CGGBP1: variants seen among roughly 807,000 people sequenced by gnomAD.
CGGBP1 encodes CGG triplet repeat binding protein 1, also known as CGG triplet repeat-binding protein 1.
In CGGBP1, 4 loss-of-function variants were observed where a neutral mutation model predicts 11.4. The observed-to-expected ratio is 0.35, with a 90% CI of 0.17 to 0.80. The LOEUF (loss-of-function observed/expected upper bound fraction) is 0.80. Ranked by LOEUF, CGGBP1 falls within the 30% of genes least tolerant of loss-of-function variation. The pLI is 0.52. For missense variants in CGGBP1, 135 were observed against 202.1 expected, an observed-to-expected ratio of 0.67 and a Z score of 2.01; for synonymous variants, 76 against 74.1, an observed-to-expected ratio of 1.03 and a Z score of -0.13.
intron 1 of CGGBP1, among the ~76,000 whole-genome samples, chr3:88,146,970 G>C (rs1707324092): frequency 6.6e-6 from 1 of 152,138 alleles, no homozygotes; most frequent in African/African-American, 2.4e-5. Context: ...TGGGTTCCCT[G>C]CTTCTACCCT....
At chr3:88,082,465 A>T (rs947340740) in intron 2 of CGGBP1, among the ~76,000 whole-genome samples, 1 of 152,216 alleles carries the variant, frequency 6.6e-6, no homozygotes, top group Non-Finnish European at 1.5e-5. Flanking sequence ...CGCTGTAAAC[A>T]AATGATGAAC....
At chr3:88,075,280 T>C (rs1386585169) in intron 2 of CGGBP1, among the ~76,000 whole-genome samples, 1 of 152,232 alleles carries the variant, frequency 6.6e-6, no homozygotes, top group African/African-American at 2.4e-5. Flanking sequence ...GCATAGTCAT[T>C]TCCTTGCAGC....
upstream of CGGBP1, among the ~76,000 whole-genome samples, chr3:88,063,420 A>G (rs1309999795): frequency 6.6e-6 from 1 of 152,204 alleles, no homozygotes; most frequent in Non-Finnish European, 1.5e-5. Flanking sequence ...CACAGAAAAG[A>G]GAGTTTGTCC....
At chr3:88,071,731 G>A (rs1707526324) in intron 2 of CGGBP1, among the ~76,000 whole-genome samples, 1 of 152,092 alleles carries the variant, frequency 6.6e-6, no homozygotes, top group Admixed American at 6.5e-5. Flanking sequence ...TTGAACCCGG[G>A]AGGCAGAGGT....
intron 2 of CGGBP1, among the ~76,000 whole-genome samples, chr3:88,111,400 C>A (rs1396880000): frequency 6.6e-6 from 1 of 151,634 alleles, no homozygotes; most frequent in Non-Finnish European, 1.5e-5. Flanking sequence ...TATATGTTCC[C>A]CCACCCCCTG....
chr3:88,082,404 C>T lies in CGGBP1; in HGVS notation c.-228-24181G>A, dbSNP rs190218251. 1.8e-4 allele frequency among the ~76,000 whole-genome samples: 27 copies of T among 152,336 alleles called. No homozygotes were observed. The South Asian group carries it at 2.7e-3, about 15-fold the overall frequency. On this transcript the variant is annotated intron_variant, in intron 2 of 3. Coordinates refer to the CGGBP1 transcript ENST00000462901. ...CCTCCCAAAGTGTTGGGATTACAGG[C>T]GTGAGCCACCACACCTGGCCTGTGA...
chr3:88,123,332 A>G (rs1244284612), intron 2 of CGGBP1, among the ~76,000 whole-genome samples: 1 of 152,244 alleles, frequency 6.6e-6, no homozygotes, highest in Non-Finnish European at 1.5e-5. Flanking sequence ...CGAAGTGTAC[A>G]TACACAAAAA....
chr3:88,066,703 CAAGT>C (rs1254428848), intron 2 of CGGBP1, among the ~76,000 whole-genome samples: 1 of 152,086 alleles, frequency 6.6e-6, no homozygotes, highest in African/African-American at 2.4e-5. Flanking sequence ...CTGCCAAACA[CAAGT>C]AAGGCACCAT....
At chr3:88,129,106 T>C in intron 2 of CGGBP1, 1 of 851,578 alleles carries the variant, frequency 1.2e-6, no homozygotes, top group East Asian at 2.7e-5. Flanking sequence ...TTAAATTCCT[T>C]TTACAGTAAT....
intron 2 of CGGBP1, among the ~76,000 whole-genome samples, chr3:88,118,874 G>C (rs1705577532): frequency 1.3e-5 from 2 of 151,572 alleles, no homozygotes; most frequent in South Asian, 4.1e-4. Context: ...TCATTAAAAA[G>C]TCAGGAAACA....
chr3:88,107,322 A>G (rs534717093), intron 2 of CGGBP1, among the ~76,000 whole-genome samples: 1 of 152,168 alleles, frequency 6.6e-6, no homozygotes, highest in South Asian at 2.1e-4. Context: ...TCAAATTGTC[A>G]AAATTCGTTA....
intron 2 of CGGBP1, chr3:88,129,602 T>A: frequency 9.2e-7 from 1 of 1,081,810 alleles, no homozygotes; most frequent in Non-Finnish European, 1.2e-6. Flanking sequence ...TCTAAGCAAT[T>A]TCTCTTGAAT....
Position 88,083,941 on chromosome 3 carries a change from T to TTATATA in CGGBP1, c.-228-25724_-228-25719dup, listed in dbSNP as rs78670676. 3.0e-3 allele frequency among the ~76,000 whole-genome samples: 444 copies of TTATATA among 147,788 alleles called. 5 individuals carry two copies. The highest frequency in any genetic ancestry group is 8.8e-3 in the African/African-American group (353 of 40,134). On this transcript the variant is annotated intron_variant, in intron 2 of 3. Transcript: ENST00000462901. ...AATAGGACAATGTAATGTACTTATT[T>TTATATA]TATATATATATATATATATATATAT...
At chr3:88,074,276 A>T (rs1226866881) in intron 2 of CGGBP1, among the ~76,000 whole-genome samples, 1 of 151,070 alleles carries the variant, frequency 6.6e-6, no homozygotes, top group Non-Finnish European at 1.5e-5. Context: ...TCTTCCTCTG[A>T]TTGGGAGTGG....
intron 2 of CGGBP1, among the ~76,000 whole-genome samples, chr3:88,069,290 T>C (rs1157072211): frequency 1.3e-5 from 2 of 152,062 alleles, no homozygotes; most frequent in African/African-American, 2.4e-5. Context: ...GGCATGGTGG[T>C]GCATGCCTGT....
chr3:88,140,369 A>G, intron 2 of CGGBP1: 2 of 1,613,224 alleles, frequency 1.2e-6, no homozygotes, highest in Non-Finnish European at 1.7e-6. Context: ...AAAAAGACTC[A>G]TCTAGTAATG....
intron 2 of CGGBP1, among the ~76,000 whole-genome samples, chr3:88,120,572 A>AT (rs1705706547): frequency 6.6e-6 from 1 of 152,156 alleles, no homozygotes; most frequent in Non-Finnish European, 1.5e-5. Flanking sequence ...GAAGACAAAC[A>AT]TGAGTTTTAC....
chr3:88,065,443 C>T (rs1213139097), intron 2 of CGGBP1, among the ~76,000 whole-genome samples: 1 of 151,998 alleles, frequency 6.6e-6, no homozygotes, highest in Non-Finnish European at 1.5e-5. Context: ...TGTCCCTTTT[C>T]CCTAAACAAT....
chr3:88,083,321 G>A (rs1246448335), intron 2 of CGGBP1, among the ~76,000 whole-genome samples: 1 of 152,160 alleles, frequency 6.6e-6, no homozygotes, highest in African/African-American at 2.4e-5. Flanking sequence ...CATTTTGACA[G>A]TTTTGACTGA....
Sources: allele counts gnomAD v4.1 joint callset (sites outside exome capture counted in the v4.1 genomes callset), GRCh38; gene constraint gnomAD v4.1.1; transcripts MANE v1.5; gene names NCBI Gene and HGNC (gene_info 2026-07-23, HGNC 2026-07-21).